DIAPH2: variants seen among roughly 807,000 people sequenced by gnomAD.
The protein encoded by DIAPH2 is protein diaphanous homolog 2.
In DIAPH2, 35 loss-of-function variants were observed where a neutral mutation model predicts 92.7. The observed-to-expected ratio is 0.38, with a 90% CI of 0.29 to 0.50. The LOEUF is 0.50. DIAPH2 is among the 20% of genes least tolerant of loss of function. The pLI is 0.94. For synonymous variants in DIAPH2, 301 were observed against 280.4 expected (o/e 1.07, Z -0.73); for missense variants, 701 against 819.5 (o/e 0.86, Z 1.77).
At chrX:97,199,347 A>G (rs1042927800) in intron 22 of DIAPH2, among the ~76,000 whole-genome samples, 1 of 110,789 alleles carries the variant, frequency 9.0e-6, no homozygotes, top group Non-Finnish European at 1.9e-5. Context: ...ATATATGTGT[A>G]TGGAATATGT....
chrX:97,281,612 C>T (rs1347720697), intron 23 of DIAPH2, among the ~76,000 whole-genome samples: 2 of 109,584 alleles, frequency 1.8e-5, no homozygotes, highest in African/African-American at 3.3e-5. Flanking sequence ...GGCGTGGCAA[C>T]GGCCGCCTGT....
chrX:96,957,360 T>C (rs1184878153), intron 15 of DIAPH2, among the ~76,000 whole-genome samples: 1 of 112,037 alleles, frequency 8.9e-6, no homozygotes, highest in Admixed American at 9.5e-5. Context: ...TTTAATTTAC[T>C]CAGTTCTGCA....
chrX:97,382,640 AC>A (rs2069561557), intron 24 of DIAPH2, among the ~76,000 whole-genome samples: 2 of 111,806 alleles, frequency 1.8e-5, no homozygotes, highest in African/African-American at 3.3e-5. Flanking sequence ...ATAGCCAGGT[AC>A]CTTTGTGCTC....
chrX:97,344,016 C>T (rs1041696086), intron 23 of DIAPH2, among the ~76,000 whole-genome samples: 1 of 111,421 alleles, frequency 9.0e-6, no homozygotes, highest in Admixed American at 9.6e-5. Context: ...ATTGCTCTGC[C>T]TTTTTGAAAA....
intron 22 of DIAPH2, among the ~76,000 whole-genome samples, chrX:97,166,944 A>C (rs1467484950): frequency 1.8e-5 from 2 of 112,470 alleles, no homozygotes; most frequent in Admixed American, 1.9e-4. Context: ...ACATAAACAG[A>C]ATTGTAAAAT....
At chrX:96,890,900 T>C (rs2065302792) in intron 5 of DIAPH2, among the ~76,000 whole-genome samples, 1 of 112,135 alleles carries the variant, frequency 8.9e-6, no homozygotes, top group Admixed American at 9.5e-5. Context: ...CAACATTTAT[T>C]TTTTACTATA....
intron 24 of DIAPH2, among the ~76,000 whole-genome samples, chrX:97,357,186 C>G: frequency 9.0e-6 from 1 of 111,465 alleles, no homozygotes; most frequent in South Asian, 3.8e-4. Context: ...ACAAGCTGAC[C>G]TTTTCCAGAA....
intron 26 of DIAPH2, among the ~76,000 whole-genome samples, chrX:97,500,850 C>G: frequency 1.0e-5 from 1 of 99,591 alleles, no homozygotes; most frequent in Non-Finnish European, 2.0e-5. Context: ...TTCTTAAATC[C>G]TCCTTTGCCA....
At chrX:97,146,007 C>CT (rs372292277) in intron 22 of DIAPH2, among the ~76,000 whole-genome samples, 3,802 of 43,087 alleles carry the variant, frequency 0.088, 476 homozygotes, top group African/African-American at 0.21. Flanking sequence ...TTTCTTCTTC[C>CT]TTTTTTTTTT....
chrX:96,879,129 G>A (rs934420410), intron 4 of DIAPH2, among the ~76,000 whole-genome samples: 3 of 111,835 alleles, frequency 2.7e-5, no homozygotes, highest in African/African-American at 6.5e-5. Context: ...ATGTTTTAGC[G>A]CAGAAGACAG....
chrX:97,047,368 A>G (rs2066490702), intron 17 of DIAPH2, among the ~76,000 whole-genome samples: 1 of 109,295 alleles, frequency 9.1e-6, no homozygotes, highest in Non-Finnish European at 1.9e-5. Context: ...GTGGAATGAC[A>G]TTTATGGTGG....
At chrX:96,763,509 A>G (rs2064282017) in intron 4 of DIAPH2, among the ~76,000 whole-genome samples, 1 of 111,621 alleles carries the variant, frequency 9.0e-6, no homozygotes, top group Admixed American at 9.6e-5. Flanking sequence ...TGATTTCAGT[A>G]TGATTGAGCA....
chrX:97,497,580 C>T (rs141201780), intron 26 of DIAPH2, among the ~76,000 whole-genome samples: 1,396 of 110,082 alleles, frequency 0.013, 20 homozygotes, highest in African/African-American at 0.043. Context: ...CCGAGTTTGG[C>T]GGATTACTTG....
At position 96,899,339 on chromosome X, in the gene DIAPH2, C is replaced by T. The variant is rs376770400; in HGVS notation, c.588-12989C>T. On this transcript the variant is annotated intron_variant, in intron 5 of 26. Coordinates refer to ENST00000324765, the MANE Select transcript of DIAPH2 (RefSeq NM_006729.5). ...GGGCAGTATGGCCATTTTCACGATA[C>T]TGATTCTTCCTACCCATGAGCATGG... Among the ~76,000 whole-genome samples the T allele has an allele frequency of 5.6e-3, 612 of 110,184 alleles. 4 individuals are homozygous for T. Among genetic ancestry groups the T allele is most frequent in the African/African-American group, 0.019 (585 of 30,247 alleles).
intron 22 of DIAPH2, among the ~76,000 whole-genome samples, chrX:97,216,030 C>T (rs750161188): frequency 9.0e-6 from 1 of 111,730 alleles, no homozygotes; most frequent in Admixed American, 9.5e-5. Flanking sequence ...CCTCAACTGC[C>T]GAAAGAATTT....
At chrX:97,464,192 T>C (rs6620282) in intron 26 of DIAPH2, among the ~76,000 whole-genome samples, 40,156 of 100,398 alleles carry the variant, frequency 0.4, 5,868 homozygotes, top group East Asian at 0.58. Context: ...AGGCCGGGGG[T>C]GGTGGCTCAT....
At chrX:97,545,531 AAAATAT>A (rs1163076820) in intron 26 of DIAPH2, among the ~76,000 whole-genome samples, 169 of 19,073 alleles carry the variant, frequency 8.9e-3, no homozygotes, top group Admixed American at 0.012. Context: ...TGAAAAAAAA[AAAATAT>A]ATATATATAT....
At chrX:96,773,246 CTCCCG>C (rs2064352397) in intron 4 of DIAPH2, among the ~76,000 whole-genome samples, 1 of 83,128 alleles carries the variant, frequency 1.2e-5, no homozygotes, top group African/African-American at 4.0e-5. Flanking sequence ...TTCCCCCCCC[CTCCCG>C]CCCTCCCCAA....
intron 25 of DIAPH2, among the ~76,000 whole-genome samples, chrX:97,414,366 A>G (rs2069916135): frequency 1.8e-5 from 2 of 111,962 alleles, no homozygotes; most frequent in African/African-American, 6.5e-5. Context: ...GAAAGCTGAA[A>G]CTGTCCAGGC....
Sources: allele counts gnomAD v4.1 joint callset (sites outside exome capture counted in the v4.1 genomes callset), GRCh38; gene constraint gnomAD v4.1.1; transcripts MANE v1.5; gene names NCBI Gene and HGNC (gene_info 2026-07-23, HGNC 2026-07-21).